Variants in WWC2 observed in about 807,000 individuals in gnomAD.
WWC2 encodes the protein protein WWC2.
In WWC2, 101 loss-of-function variants were observed where a neutral mutation model predicts 138.5. The observed-to-expected ratio is 0.73, with a 90% CI of 0.62 to 0.86. The LOEUF is 0.86. Ranked by LOEUF, WWC2 falls within the 40% of genes least tolerant of loss-of-function variation. The pLI, the probability that WWC2 is intolerant of heterozygous loss-of-function variation, is 0.00. For synonymous variants in WWC2, 558 were observed against 538.4 expected (o/e 1.04, Z -0.50); for missense variants, 1,420 against 1,419.4 (o/e 1.00, Z -0.01).
chr4:183,285,709 G>A (rs7678009), intron 19 of WWC2, among the ~76,000 whole-genome samples: 53,016 of 151,840 alleles, frequency 0.35, 9,930 homozygotes, highest in Middle Eastern at 0.47. Flanking sequence ...GCAATGAGCC[G>A]AGATCACGCC....
chr4:183,255,260 G>A (rs1430999505), intron 9 of WWC2, among the ~76,000 whole-genome samples: 2 of 152,072 alleles, frequency 1.3e-5, no homozygotes, highest in African/African-American at 2.4e-5. Flanking sequence ...CTGACCAAAC[G>A]GTCAGCCTGA....
chr4:183,246,424 G>C (rs1736782131), intron 6 of WWC2, among the ~76,000 whole-genome samples: 1 of 152,142 alleles, frequency 6.6e-6, no homozygotes, highest in African/African-American at 2.4e-5. Context: ...ACTACTTGAT[G>C]TTGGTTTTCA....
At position 183,248,860 on chromosome 4, in the gene WWC2, T is replaced by G. The variant is rs1736882706; in HGVS notation, c.879T>G (p.Asp293Glu). ...DAGSQTSISG[D>E]IGVRSRSNLA... Reference sequence around the variant, plus strand: ...GGTCACAAACAAGCATTTCCGGAGATGTAAGTTATCTGTGCTGAAGAGTTG... The same window carrying G: ...GGTCACAAACAAGCATTTCCGGAGAGGTAAGTTATCTGTGCTGAAGAGTTG... Residue 293 changes from aspartate to glutamate, a missense_variant and splice_region_variant, in exon 7 of 23, where the codon GAT becomes GAG. Coordinates refer to ENST00000403733, the MANE Select transcript of WWC2 (RefSeq NM_024949.6). 4 of 1,592,456 alleles carry G rather than the reference T, an allele frequency of 2.5e-6. No individual in the cohort carries two copies. The highest frequency in any genetic ancestry group is 3.4e-6 in the Non-Finnish European group (4 of 1,167,086).
At chr4:183,282,046 A>G (rs947995407) in intron 17 of WWC2, among the ~76,000 whole-genome samples, 21 of 152,204 alleles carry the variant, frequency 1.4e-4, no homozygotes, top group Admixed American at 8.5e-4. Flanking sequence ...TTAGTTATCA[A>G]TGGAAAGAAT....
intron 18 of WWC2, among the ~76,000 whole-genome samples, chr4:183,283,471 GGTA>G (rs1738146030): frequency 6.6e-6 from 1 of 152,172 alleles, no homozygotes; most frequent in African/African-American, 2.4e-5. Flanking sequence ...TGGGGATATT[GGTA>G]GTAGAGTTTA....
At chr4:183,222,862 A>T (rs1169306599) in intron 4 of WWC2, among the ~76,000 whole-genome samples, 2 of 152,152 alleles carry the variant, frequency 1.3e-5, no homozygotes, top group African/African-American at 4.8e-5. Flanking sequence ...GCTACTCAGG[A>T]AGCTGAGGCA....
rs1318459315 is a variant in WWC2, at chr4:183,261,375, C to G, written c.1752C>G (p.Asp584Glu). 6.2e-7 allele frequency: 1 copy of G among 1,613,262 alleles called. No homozygotes were observed. Among genetic ancestry groups the G allele is most frequent in the Non-Finnish European group, 8.5e-7 (1 of 1,179,602 alleles). Reference protein sequence around the residue: ...HDASLHQFTADFEDCELSSHF... With the variant: ...HDASLHQFTAEFEDCELSSHF... ...CCTCTCTCCATCAGTTCACTGCTGA[C>G]TTTGAAGACTGTGAGTTGAGTAGCC... The change falls in exon 11 of 23, where the codon GAC becomes GAG. Residue 584 changes from aspartate to glutamate, a missense_variant. By Grantham distance (45) the Asp-to-Glu change is conservative (BLOSUM62 2). Coordinates refer to ENST00000403733, the MANE Select transcript of WWC2 (RefSeq NM_024949.6).
At chr4:183,292,522 C>T (rs1167244097) in intron 21 of WWC2, among the ~76,000 whole-genome samples, 2 of 151,680 alleles carry the variant, frequency 1.3e-5, no homozygotes, top group Non-Finnish European at 2.9e-5. Flanking sequence ...AAAGTATATG[C>T]CTACAATTTG....
At chr4:183,290,622 T>C (rs1264422048) in intron 21 of WWC2, among the ~76,000 whole-genome samples, 2 of 152,250 alleles carry the variant, frequency 1.3e-5, no homozygotes, top group African/African-American at 4.8e-5. Context: ...TTGATTTACT[T>C]TCTCAAGAGT....
intron 1 of WWC2, among the ~76,000 whole-genome samples, chr4:183,149,635 A>AAT (rs1733582252): frequency 6.6e-6 from 1 of 151,364 alleles, no homozygotes; most frequent in Non-Finnish European, 1.5e-5. Flanking sequence ...AAAAAAAAAA[A>AAT]ATCTTTAAGT....
intron 1 of WWC2, among the ~76,000 whole-genome samples, chr4:183,169,140 G>A (rs1041275743): frequency 2.6e-4 from 39 of 152,318 alleles, no homozygotes; most frequent in Middle Eastern, 3.4e-3. Context: ...GAACCACCAC[G>A]CCCAGCCTCT....
At chr4:183,130,306 C>T (rs1217363904) in intron 1 of WWC2, among the ~76,000 whole-genome samples, 1 of 152,206 alleles carries the variant, frequency 6.6e-6, no homozygotes, top group Non-Finnish European at 1.5e-5. Flanking sequence ...CCTGCCTCGG[C>T]CTCCCAGTGC....
At chr4:183,242,162 C>T (rs1736644383) in intron 5 of WWC2, among the ~76,000 whole-genome samples, 1 of 152,148 alleles carries the variant, frequency 6.6e-6, no homozygotes, top group Admixed American at 6.5e-5. Context: ...TAAAGCTGTT[C>T]TTATTCAAAT....
At chr4:183,266,085 A>G in intron 14 of WWC2, 134 bp downstream of exon 14, 1 of 768,190 alleles carries the variant, frequency 1.3e-6, no homozygotes, top group East Asian at 2.7e-5. Flanking sequence ...GTCTAAATGA[A>G]TGGCAGATAA....
chr4:183,319,139 G>A lies in WWC2; in HGVS notation c.*3410G>A, dbSNP rs1739546176. ...TAGTAATTATTTTATATAATAAGAC[G>A]TCATGCATTTTAAATAAATATGCAA... On this transcript the variant is annotated 3_prime_UTR_variant, in exon 23 of 23. Transcript: ENST00000403733. 6.2e-6 allele frequency: 1 copy of A among 161,256 alleles called. No homozygotes were observed. The highest frequency in any genetic ancestry group is 5.7e-5 in the Admixed American group (1 of 17,394). 10.0% of individuals were successfully genotyped at this position (161,256 alleles called of 1,614,324 possible). A position where few individuals can be genotyped will look rare whatever the true frequency, so the allele number is the denominator to read the frequency against.
intron 11 of WWC2, among the ~76,000 whole-genome samples, chr4:183,262,169 T>TG (rs936553139): frequency 3.3e-5 from 5 of 152,254 alleles, no homozygotes; most frequent in Admixed American, 1.3e-4. Flanking sequence ...AATATCATTT[T>TG]TTTGTTTGTT....
At chr4:183,233,260 G>A (rs550703799) in intron 4 of WWC2, among the ~76,000 whole-genome samples, 7 of 139,678 alleles carry the variant, frequency 5.0e-5, no homozygotes, top group Non-Finnish European at 9.0e-5. Context: ...GGGTTCAAAC[G>A]ATTGTCCTGC....
chr4:183,281,289 G>T (rs1199383367), intron 17 of WWC2: 1 of 236,440 alleles, frequency 4.2e-6, no homozygotes, highest in Non-Finnish European at 8.1e-6. Flanking sequence ...GACAAAGCAG[G>T]TATTTAAAAA....
intron 16 of WWC2, among the ~76,000 whole-genome samples, chr4:183,275,729 G>C (rs948532558): frequency 1.3e-5 from 2 of 152,070 alleles, no homozygotes; most frequent in Non-Finnish European, 2.9e-5. Context: ...TTTCGTGTCT[G>C]TATTCATAGT....
Sources: allele counts gnomAD v4.1 joint callset (sites outside exome capture counted in the v4.1 genomes callset), GRCh38; gene constraint gnomAD v4.1.1; transcripts MANE v1.5; gene names NCBI Gene and HGNC (gene_info 2026-07-23, HGNC 2026-07-21).